LUZP2: variants seen among roughly 807,000 people sequenced by gnomAD.
The protein encoded by LUZP2 is leucine zipper protein 2.
In LUZP2, 52 loss-of-function variants were observed where a neutral mutation model predicts 51.6. That is an observed-to-expected ratio of 1.01 (90% CI 0.81 to 1.27). The LOEUF (loss-of-function observed/expected upper bound fraction) is 1.27, where lower values mean the gene tolerates loss of function less well. Ranked by LOEUF, LUZP2 falls within the 50% of genes most tolerant of loss-of-function variation. LUZP2 has a pLI of 0.00. For synonymous variants in LUZP2, 154 were observed against 137.3 expected (o/e 1.12, Z -0.85); for missense variants, 436 against 395.4 (o/e 1.10, Z -0.87).
At chr11:25,052,285 C>G (rs1430065389) in intron 10 of LUZP2, among the ~76,000 whole-genome samples, 2 of 152,176 alleles carry the variant, frequency 1.3e-5, no homozygotes, top group Non-Finnish European at 2.9e-5. Flanking sequence ...CATCAGTTTT[C>G]AAGTTCTAGA....
At chr11:25,025,676 C>T (rs1857469238) in intron 9 of LUZP2, among the ~76,000 whole-genome samples, 1 of 152,116 alleles carries the variant, frequency 6.6e-6, no homozygotes, top group Non-Finnish European at 1.5e-5. Flanking sequence ...GAACTAGGAA[C>T]ACTTTTACAC....
intron 1 of LUZP2, among the ~76,000 whole-genome samples, chr11:24,566,502 TTG>T (rs201421517): frequency 2.0e-5 from 3 of 147,642 alleles, no homozygotes. Flanking sequence ...ATAATTTAAT[TTG>T]TGTGTGTGTG....
intron 1 of LUZP2, among the ~76,000 whole-genome samples, chr11:24,503,156 T>C (rs1352859143): frequency 6.6e-6 from 1 of 152,230 alleles, no homozygotes; most frequent in Non-Finnish European, 1.5e-5. Context: ...TTAGTGGTTG[T>C]TGACCATCAA....
intron 7 of LUZP2, among the ~76,000 whole-genome samples, chr11:24,926,741 G>A (rs1407411672): frequency 2.7e-5 from 4 of 150,684 alleles, no homozygotes; most frequent in African/African-American, 4.9e-5. Context: ...TTCTTTTCCT[G>A]TGGTTAGATG....
At chr11:24,530,089 CTT>C (rs1850946415) in intron 1 of LUZP2, among the ~76,000 whole-genome samples, 1 of 150,562 alleles carries the variant, frequency 6.6e-6, no homozygotes, top group Admixed American at 6.7e-5. Flanking sequence ...TGTGTTTTTC[CTT>C]TCCATTTTCT....
chr11:24,574,780 C>T (rs753581799), intron 1 of LUZP2, among the ~76,000 whole-genome samples: 2 of 152,072 alleles, frequency 1.3e-5, no homozygotes, highest in Non-Finnish European at 2.9e-5. Flanking sequence ...TTGATCACTG[C>T]ATTTCAAAAC....
At chr11:24,530,332 G>A (rs1227937343) in intron 1 of LUZP2, among the ~76,000 whole-genome samples, 1 of 150,758 alleles carries the variant, frequency 6.6e-6, no homozygotes, top group African/African-American at 2.4e-5. Context: ...TAGTTGTTAA[G>A]TCTACATCTG....
At chr11:24,501,071 G>A (rs1849978700) in intron 1 of LUZP2, among the ~76,000 whole-genome samples, 1 of 152,158 alleles carries the variant, frequency 6.6e-6, no homozygotes, top group African/African-American at 2.4e-5. Context: ...GAGGCAACAT[G>A]GGTTTGCTTC....
chr11:24,994,339 T>C (rs931358673), intron 9 of LUZP2, among the ~76,000 whole-genome samples: 2 of 152,220 alleles, frequency 1.3e-5, no homozygotes, highest in African/African-American at 4.8e-5. Flanking sequence ...TGATCAAACT[T>C]CATTTGTCTG....
intron 1 of LUZP2, among the ~76,000 whole-genome samples, chr11:24,569,839 A>ATAATCACT (rs1452256052): frequency 1.3e-5 from 2 of 151,694 alleles, no homozygotes; most frequent in African/African-American, 4.8e-5. Context: ...ATCTGTATAA[A>ATAATCACT]TAATCACTTT....
chr11:24,672,128 C>T (rs1023121021), intron 1 of LUZP2, among the ~76,000 whole-genome samples: 2 of 152,046 alleles, frequency 1.3e-5, no homozygotes, highest in Non-Finnish European at 2.9e-5. Context: ...ATTGAACCCA[C>T]TTACACAGTG....
chr11:25,073,563 A>ATT (rs5790453), intron 10 of LUZP2, among the ~76,000 whole-genome samples: 1 of 151,864 alleles, frequency 6.6e-6, no homozygotes, highest in Non-Finnish European at 1.5e-5. Context: ...TTTTAATTTT[A>ATT]TTTTTTTCTT....
chr11:24,853,911 C>T (rs760550706), intron 5 of LUZP2, among the ~76,000 whole-genome samples: 6 of 152,158 alleles, frequency 3.9e-5, no homozygotes, highest in Admixed American at 6.5e-5. Context: ...GCTGGAGGCA[C>T]GCTCCAGAGC....
At chr11:24,575,981 C>A (rs1002883620) in intron 1 of LUZP2, among the ~76,000 whole-genome samples, 6 of 152,040 alleles carry the variant, frequency 3.9e-5, no homozygotes, top group African/African-American at 1.4e-4. Flanking sequence ...AAATCTTCAT[C>A]TTTATTTTAG....
chr11:24,832,711 CT>C (rs1213398493), intron 5 of LUZP2, among the ~76,000 whole-genome samples: 2 of 151,708 alleles, frequency 1.3e-5, no homozygotes, highest in South Asian at 4.1e-4. Flanking sequence ...ATCTTTGTGT[CT>C]TTAAAAATGC....
intron 10 of LUZP2, among the ~76,000 whole-genome samples, chr11:25,063,211 T>A (rs1209682685): frequency 6.6e-6 from 1 of 151,718 alleles, no homozygotes; most frequent in African/African-American, 2.4e-5. Flanking sequence ...CCATAATTAA[T>A]CTAGAGATGA....
intron 9 of LUZP2, among the ~76,000 whole-genome samples, chr11:24,988,264 C>T (rs1369330617): frequency 6.6e-6 from 1 of 151,950 alleles, no homozygotes; most frequent in Non-Finnish European, 1.5e-5. Flanking sequence ...GTGTTAAAGC[C>T]AATATTTCCT....
intron 1 of LUZP2, among the ~76,000 whole-genome samples, chr11:24,599,237 C>T (rs978214436): frequency 1.3e-5 from 2 of 152,120 alleles, no homozygotes; most frequent in Non-Finnish European, 2.9e-5. Flanking sequence ...AGAGAAACTA[C>T]TTTTCCAGAG....
At chr11:24,827,286 C>A (rs971229412) in intron 5 of LUZP2, among the ~76,000 whole-genome samples, 3 of 152,118 alleles carry the variant, frequency 2.0e-5, no homozygotes, top group African/African-American at 4.8e-5. Flanking sequence ...TCCCTAGGAA[C>A]AAGGCATATT....
Sources: gnomAD v4.1 joint callset for allele counts (sites outside exome capture counted in the v4.1 genomes callset) on GRCh38, gnomAD v4.1.1 for gene constraint, MANE v1.5 for transcripts, NCBI Gene and HGNC (gene_info 2026-07-23, HGNC 2026-07-21) for gene names.